Variants in PARP14 observed in about 807,000 individuals in gnomAD.
PARP14 encodes the protein poly(ADP-ribose) polymerase family member 14, also known as protein mono-ADP-ribosyltransferase PARP14.
A neutral mutation model predicts 154.2 loss-of-function variants in PARP14; 59 were observed. The ratio of observed to expected loss-of-function variants is 0.38; its 90% confidence interval spans 0.31 to 0.48. PARP14 has a LOEUF of 0.48. Ranked by LOEUF, PARP14 falls within the 20% of genes least tolerant of loss-of-function variation. PARP14 has a pLI of 0.98. For missense variants in PARP14, 1,734 were observed against 2,131.6 expected, an observed-to-expected ratio of 0.81 and a Z score of 3.67; for synonymous variants, 720 against 780.5, an observed-to-expected ratio of 0.92 and a Z score of 1.29.
intron 1 of PARP14, chr3:122,683,203 A>T (rs530704149): frequency 1.8e-6 from 1 of 559,768 alleles, no homozygotes; most frequent in South Asian, 7.9e-5. Flanking sequence ...AAGGGTCAGG[A>T]ATTTGCTAAC....
rs1162965660 is a variant in PARP14, at chr3:122,718,379, C to A, written c.4228C>A (p.Gln1410Lys). ...TTTAGCATTTTTGGGCTTTTCAAAGCAATCTCCCCAAAAAAAGAATCATTT... is the reference window on the plus strand; with the variant it reads ...TTTAGCATTTTTGGGCTTTTCAAAGAAATCTCCCCAAAAAAAGAATCATTT... Reference protein sequence around the residue: ...KLASFLGFSKQSPQKKNHLVL... With the variant: ...KLASFLGFSKKSPQKKNHLVL... Residue 1410 changes from glutamine (Q) to lysine (K), a missense_variant, in exon 14 of 17, where the codon CAA becomes AAA. By Grantham distance (53) the Gln-to-Lys change is moderately conservative. Transcript: ENST00000474629. The A allele has an allele frequency of 6.2e-7, 1 of 1,612,056 alleles. No homozygotes were observed. The highest frequency in any genetic ancestry group is 8.5e-7 in the Non-Finnish European group (1 of 1,179,260).
chr3:122,707,420 G>T (rs990560047), intron 8 of PARP14, among the ~76,000 whole-genome samples: 13 of 55,580 alleles, frequency 2.3e-4, no homozygotes, highest in East Asian at 7.0e-4. Flanking sequence ...AATAAATAAA[G>T]GATTGTGATT....
At chr3:122,683,783 C>A (rs1272514991) in intron 1 of PARP14, among the ~76,000 whole-genome samples, 1 of 152,222 alleles carries the variant, frequency 6.6e-6, no homozygotes, top group Non-Finnish European at 1.5e-5. Context: ...TGCCCACAAT[C>A]TGAGAACAGA....
intron 14 of PARP14, 83 bp downstream of exon 14, chr3:122,719,041 CA>C (rs1480008050): frequency 7.7e-7 from 1 of 1,300,138 alleles, no homozygotes; most frequent in African/African-American, 1.5e-5. Flanking sequence ...ATCAGAATTT[CA>C]AATTGGAAAA....
intron 15 of PARP14, among the ~76,000 whole-genome samples, chr3:122,726,857 G>T (rs1009843578): frequency 4.1e-5 from 6 of 145,384 alleles, no homozygotes; most frequent in African/African-American, 1.5e-4. Context: ...TTGAAGATTA[G>T]AAATTTAGCC....
At chr3:122,717,279 C>A (rs1454485126) in intron 12 of PARP14, among the ~76,000 whole-genome samples, 1 of 152,222 alleles carries the variant, frequency 6.6e-6, no homozygotes, top group East Asian at 1.9e-4. Context: ...CATTGCCCAT[C>A]ATGTGACTTT....
chr3:122,718,593 A>T lies in PARP14; in HGVS notation c.4442A>T (p.Lys1481Met). ...CAGGAGTTGAATGAGCTGCAGAAGAAGTTAAATATTAACATTTCCCTGGAC... is the reference window on the plus strand; with the variant it reads ...CAGGAGTTGAATGAGCTGCAGAAGATGTTAAATATTAACATTTCCCTGGAC... ...EYQELNELQK[K>M]LNINISLDHK... is the part of the protein sequence containing the mutation. The change falls in exon 14 of 17, where the codon AAG becomes ATG. Residue 1481 changes from lysine to methionine, a missense_variant. By Grantham distance (95) the Lys-to-Met change is moderately conservative. Around this residue, in one of 2 missense-constraint regions of PARP14, gnomAD observed 1,646 missense variants for 1,976.0 expected, o/e 0.83. Transcript: ENST00000474629. 1 of 1,613,984 alleles carries T rather than the reference A, an allele frequency of 6.2e-7. No homozygotes were observed. The highest frequency in any genetic ancestry group is 8.5e-7 in the Non-Finnish European group (1 of 1,179,872).
intron 8 of PARP14, among the ~76,000 whole-genome samples, chr3:122,705,813 G>A (rs1040019588): frequency 1.3e-5 from 2 of 152,204 alleles, no homozygotes; most frequent in African/African-American, 2.4e-5. Context: ...AATCTGACCT[G>A]AATTCTGATC....
chr3:122,718,389 A>C lies in PARP14; in HGVS notation c.4238A>C (p.Gln1413Pro), dbSNP rs61732768. 1.9e-3 allele frequency: 3,055 copies of C among 1,612,276 alleles called. 24 individuals carry two copies. The African/African-American group carries it at 0.024, about 13-fold the overall frequency. Residue 1413 changes from glutamine (Q) to proline (P), a missense_variant, in exon 14 of 17, where the codon CAA becomes CCA. Physicochemically the swap from Gln to Pro is moderately conservative, Grantham distance 76. Coordinates refer to ENST00000474629, the MANE Select transcript of PARP14 (RefSeq NM_017554.3). ...SFLGFSKQSP[Q>P]KKNHLVLEKK... ...TTGGGCTTTTCAAAGCAATCTCCCCAAAAAAAGAATCATTTGGTTTTGGAA... is the reference window on the plus strand; with the variant it reads ...TTGGGCTTTTCAAAGCAATCTCCCCCAAAAAAGAATCATTTGGTTTTGGAA...
In PARP14 at chr3:122,692,536, G is replaced by A. The variant is rs769241342; in HGVS notation, c.591G>A (p.Lys197=). 6.2e-7 allele frequency: 1 copy of A among 1,607,668 alleles called. No homozygotes were observed. Among genetic ancestry groups the A allele is most frequent in the Admixed American group, 1.7e-5 (1 of 59,800 alleles). The change falls in exon 4 of 17, where the codon AAG becomes AAA. Residue 197 remains lysine (K), a synonymous_variant. Coordinates refer to ENST00000474629, the MANE Select transcript of PARP14 (RefSeq NM_017554.3). ...DFDVAVVTFQ[K]HIDTIRFVDD... is the part of the protein sequence containing the mutation. ...ATGTTGCTGTTGTTACCTTTCAAAA[G>A]CACATAGGTAAGATGAAGTGACACT...
Position 122,701,492 on chromosome 3 carries a change from G to C in PARP14, c.2938G>C (p.Ala980Pro), listed in dbSNP as rs1289690866. The C allele has an allele frequency of 6.2e-7, 1 of 1,613,792 alleles. No homozygotes were observed. Among genetic ancestry groups the C allele is most frequent in the South Asian group, 1.1e-5 (1 of 91,046 alleles). The change falls in exon 6 of 17, where the codon GCC becomes CCC. Residue 980 changes from alanine (A) to proline (P), a missense_variant. Physicochemically the swap from Ala to Pro is conservative, Grantham distance 27. Transcript: ENST00000474629. This position sits in a 1 kb window ranked among gnomAD's most constrained non-coding sequence, Gnocchi z 4.0. ...AGAAGCTGTGAAAACTGTATTTAAA[G>C]CCACCCTGCCAGATACAGCTGCCCC... ...FAEAVKTVFKATLPDTAAPPG... is the reference protein window; with the variant it reads ...FAEAVKTVFKPTLPDTAAPPG...
chr3:122,716,930 A>G (rs1276132781), intron 12 of PARP14, among the ~76,000 whole-genome samples: 1 of 152,202 alleles, frequency 6.6e-6, no homozygotes, highest in Admixed American at 6.5e-5. Context: ...TGTTCTAGCA[A>G]GTGCCTAGTG....
Position 122,723,966 on chromosome 3 carries a change from T to C in PARP14, c.4941+3578T>C, listed in dbSNP as rs80268099. Among the ~76,000 whole-genome samples, 1,499 of 152,342 alleles carry C rather than the reference T, an allele frequency of 9.8e-3. 12 individuals are homozygous for C. The highest frequency in any genetic ancestry group is 0.014 in the Non-Finnish European group (958 of 68,032). ...TTCCTGATTTTGAAAAAAATCAGTATGTTATATTTAATTACAGTGATTATT... is the reference window on the plus strand; with the variant it reads ...TTCCTGATTTTGAAAAAAATCAGTACGTTATATTTAATTACAGTGATTATT... On this transcript the variant is annotated intron_variant, in intron 15 of 16. Coordinates refer to ENST00000474629, the MANE Select transcript of PARP14 (RefSeq NM_017554.3).
Position 122,725,852 on chromosome 3 carries a change from T to C in PARP14, c.4942-1960T>C, listed in dbSNP as rs138791867. On this transcript the variant is annotated intron_variant, in intron 15 of 16. Coordinates refer to ENST00000474629, the MANE Select transcript of PARP14 (RefSeq NM_017554.3). ...TTTTCTATTTATCATATCTATTCTT[T>C]GTTCTTTTTTATCTTTTCCTGGTTT... Among the ~76,000 whole-genome samples the C allele has an allele frequency of 3.7e-3, 566 of 152,310 alleles. 4 individuals carry two copies. The highest frequency in any genetic ancestry group is 0.013 in the African/African-American group (537 of 41,588).
At position 122,700,275 on chromosome 3, in the gene PARP14, C is replaced by T. The variant is rs759448786; in HGVS notation, c.1721C>T (p.Thr574Ile). 6.2e-7 allele frequency: 1 copy of T among 1,613,134 alleles called. No individual in the cohort carries two copies. Residue 574 changes from threonine (T) to isoleucine (I), a missense_variant, in exon 6 of 17, where the codon ACT (threonine) becomes ATT (isoleucine). By Grantham distance (89) the Thr-to-Ile change is moderately conservative (BLOSUM62 -1). This residue lies in a region of PARP14 where 1,646 missense variants were observed against 1,976.0 expected (regional missense o/e 0.83). Coordinates refer to ENST00000474629, the MANE Select transcript of PARP14 (RefSeq NM_017554.3). ...GCACTTTATGAGCTAGAGGGTACAA[C>T]TGTTCTCTTAACCAGCTGTTCTTCT... ...ILALYELEGT[T>I]VLLTSCSSEA...
At chr3:122,712,035 C>G (rs1939333181) in intron 9 of PARP14, among the ~76,000 whole-genome samples, 1 of 152,030 alleles carries the variant, frequency 6.6e-6, no homozygotes, top group South Asian at 2.1e-4. Context: ...AAAGAACCAG[C>G]TTTTTGTTTC....
intron 4 of PARP14, among the ~76,000 whole-genome samples, chr3:122,693,779 T>G (rs922279005): frequency 2.7e-5 from 4 of 150,858 alleles, no homozygotes; most frequent in African/African-American, 9.8e-5. Flanking sequence ...AGGCAGAGAT[T>G]GCAGTGAGCC....
intron 5 of PARP14, among the ~76,000 whole-genome samples, chr3:122,697,737 T>G (rs1376937019): frequency 6.6e-6 from 1 of 152,274 alleles, no homozygotes; most frequent in African/African-American, 2.4e-5. Context: ...TGAACACCTA[T>G]GTCTGTAAGA....
intron 15 of PARP14, among the ~76,000 whole-genome samples, chr3:122,724,852 C>T (rs965177908): frequency 6.6e-6 from 1 of 152,006 alleles, no homozygotes; most frequent in Non-Finnish European, 1.5e-5. Context: ...GGTGATGACT[C>T]TTAAGGAGCA....
Sources: gnomAD v4.1 joint callset for allele counts (sites outside exome capture counted in the v4.1 genomes callset) on GRCh38, gnomAD v4.1.1 for gene constraint, gnomAD v4.1.1 regional missense constraint, Gnocchi (gnomAD v3.1) non-coding constraint, MANE v1.5 for transcripts, NCBI Gene and HGNC (gene_info 2026-07-23, HGNC 2026-07-21) for gene names.